Variants in AGBL1 observed in about 807,000 individuals in gnomAD.
AGBL1 encodes the protein cytosolic carboxypeptidase 4.
AGBL1 carries 130 observed loss-of-function variants against 118.9 expected under a neutral mutation model. The observed-to-expected ratio is 1.09, with a 90% CI of 0.95 to 1.26. The LOEUF (loss-of-function observed/expected upper bound fraction) is 1.26. Among genes scored for constraint, AGBL1 ranks in the 50% most tolerant of loss-of-function variants. AGBL1 has a pLI of 0.00. For missense variants in AGBL1, 1,584 were observed against 1,298.1 expected (o/e 1.22, Z -3.38); for synonymous variants, 555 against 478.9 (o/e 1.16, Z -2.08).
At chr15:86,722,593 A>G (rs1182094414) in intron 22 of AGBL1, among the ~76,000 whole-genome samples, 1 of 152,240 alleles carries the variant, frequency 6.6e-6, no homozygotes, top group Admixed American at 6.5e-5. Flanking sequence ...GGACATAGGC[A>G]TGGGCAAGGA....
At chr15:86,238,177 T>C (rs1331227044) in intron 6 of AGBL1, among the ~76,000 whole-genome samples, 2 of 152,168 alleles carry the variant, frequency 1.3e-5, no homozygotes, top group Non-Finnish European at 2.9e-5. Context: ...GAAATTGCCT[T>C]GTTTAGTTTT....
At chr15:86,351,798 T>C (rs193255672) in intron 17 of AGBL1, among the ~76,000 whole-genome samples, 40 of 152,314 alleles carry the variant, frequency 2.6e-4, no homozygotes, top group Admixed American at 2.4e-3. Context: ...CCTTCTGCCT[T>C]CTCTACAAGC....
chr15:86,596,477 A>C (rs2084406260), intron 21 of AGBL1, among the ~76,000 whole-genome samples: 1 of 152,228 alleles, frequency 6.6e-6, no homozygotes, highest in Non-Finnish European at 1.5e-5. Context: ...GCAGTCCTTC[A>C]GAGGGCCCTT....
At chr15:86,870,959 A>T (rs1171813928) in intron 22 of AGBL1, among the ~76,000 whole-genome samples, 3 of 152,156 alleles carry the variant, frequency 2.0e-5, no homozygotes, top group African/African-American at 7.2e-5. Flanking sequence ...TGACAGAGAG[A>T]TTGGGCTAGC....
intron 22 of AGBL1, among the ~76,000 whole-genome samples, chr15:86,850,924 TATTA>T (rs749211430): frequency 2.6e-5 from 4 of 152,222 alleles, no homozygotes; most frequent in Admixed American, 6.5e-5. Flanking sequence ...CATAATATTT[TATTA>T]ATTATTGCCA....
intron 23 of AGBL1, among the ~76,000 whole-genome samples, chr15:86,972,370 A>C (rs1435878121): frequency 6.6e-6 from 1 of 152,100 alleles, no homozygotes; most frequent in Non-Finnish European, 1.5e-5. Context: ...GTCTGAGGAA[A>C]TAGTGGCACC....
chr15:86,538,211 G>A (rs962553379), intron 19 of AGBL1, among the ~76,000 whole-genome samples: 2 of 152,170 alleles, frequency 1.3e-5, no homozygotes, highest in Non-Finnish European at 2.9e-5. Flanking sequence ...CTTTTCTAAG[G>A]CCATGTTGAA....
intron 6 of AGBL1, among the ~76,000 whole-genome samples, chr15:86,232,825 G>A (rs748941231): frequency 2.0e-5 from 3 of 152,180 alleles, no homozygotes; most frequent in Non-Finnish European, 4.4e-5. Flanking sequence ...CGCCCTGCAT[G>A]TAGCCCTCAT....
intron 23 of AGBL1, among the ~76,000 whole-genome samples, chr15:86,936,283 A>T (rs2080674360): frequency 1.3e-5 from 2 of 151,844 alleles, no homozygotes; most frequent in African/African-American, 4.8e-5. Context: ...AGAGAGAAAG[A>T]GAGAGAGAAC....
rs146621270 is a variant in AGBL1, at chr15:86,348,679, G to A, written c.2375-48687G>A. 2.2e-3 allele frequency among the ~76,000 whole-genome samples: 342 copies of A among 152,002 alleles called. 2 individuals are homozygous for A. Among genetic ancestry groups the A allele is most frequent in the African/African-American group, 8.1e-3 (334 of 41,460 alleles). ...AGTAATCCCAGCTACTCAGGAGGCTGAGGCAGGAGACTCACTTGAACCTGG... is the reference window on the plus strand; with the variant it reads ...AGTAATCCCAGCTACTCAGGAGGCTAAGGCAGGAGACTCACTTGAACCTGG... On this transcript the variant is annotated intron_variant, in intron 17 of 22. Transcript: ENST00000614907.
chr15:86,433,464 A>G (rs1032243601), intron 18 of AGBL1, among the ~76,000 whole-genome samples: 2 of 151,926 alleles, frequency 1.3e-5, no homozygotes, highest in African/African-American at 2.4e-5. Flanking sequence ...AGGAAGACTG[A>G]ATGAAACATT....
intron 5 of AGBL1, among the ~76,000 whole-genome samples, chr15:86,216,516 T>G (rs2078191444): frequency 6.6e-6 from 1 of 152,208 alleles, no homozygotes; most frequent in Non-Finnish European, 1.5e-5. Flanking sequence ...TTTGAGATGA[T>G]CAGGTATTTT....
chr15:86,454,529 T>C (rs1052089657), intron 18 of AGBL1, among the ~76,000 whole-genome samples: 3 of 152,054 alleles, frequency 2.0e-5, no homozygotes, highest in East Asian at 1.9e-4. Context: ...AATAAGCAAA[T>C]TGTGGCAAAT....
In AGBL1 at chr15:86,909,606, GACT is replaced by G. The variant is rs2080323558; in HGVS notation, c.*2314_*2316del. On this transcript the variant is annotated 3_prime_UTR_variant, in exon 23 of 23. Transcript: ENST00000614907. Reference sequence around the variant, plus strand: ...ATGTAACATATGCAAGAAATTTGAAGACTATTAGCAAAGATAATGAAAGTGAAA... The same window carrying G: ...ATGTAACATATGCAAGAAATTTGAAGATTAGCAAAGATAATGAAAGTGAAA... 6.6e-6 allele frequency: 1 copy of G among 152,256 alleles called. No homozygotes were observed. The highest frequency in any genetic ancestry group is 6.5e-5 in the Admixed American group (1 of 15,294). The allele number at this position is 152,256 out of a possible 1,614,324, so 9.4% of individuals were successfully genotyped here. A position where few individuals can be genotyped will look rare whatever the true frequency, so the allele number is the denominator to read the frequency against.
At chr15:86,526,544 G>GTGTGTATATATATATATA (rs754816154) in intron 19 of AGBL1, among the ~76,000 whole-genome samples, 142 of 119,414 alleles carry the variant, frequency 1.2e-3, no homozygotes, top group East Asian at 4.3e-3. Context: ...TTGTGTCTGT[G>GTGTGTATATATATATATA]TATATATATA....
chr15:86,542,433 C>A (rs532765969), intron 19 of AGBL1, among the ~76,000 whole-genome samples: 9 of 144,158 alleles, frequency 6.2e-5, no homozygotes, highest in African/African-American at 2.1e-4. Context: ...ATGGCACGAT[C>A]TCGGCTCACT....
chr15:86,847,785 ATTATC>A, intron 22 of AGBL1, among the ~76,000 whole-genome samples: 1 of 152,118 alleles, frequency 6.6e-6, no homozygotes, highest in South Asian at 2.1e-4. Flanking sequence ...GATAACTTAG[ATTATC>A]TTAAGTCTAC....
intron 24 of AGBL1, among the ~76,000 whole-genome samples, chr15:87,000,907 G>A (rs369030079): frequency 2.2e-5 from 3 of 138,590 alleles, no homozygotes; most frequent in Non-Finnish European, 4.6e-5. Context: ...ATTTCCTTGA[G>A]CAGTGGTTTG....
chr15:86,663,081 G>A (rs2085574812), intron 21 of AGBL1, among the ~76,000 whole-genome samples: 1 of 152,098 alleles, frequency 6.6e-6, no homozygotes, highest in African/African-American at 2.4e-5. Context: ...TATACCAATT[G>A]CTAGTGCATT....
Sources: gnomAD v4.1 joint callset for allele counts (sites outside exome capture counted in the v4.1 genomes callset) on GRCh38, gnomAD v4.1.1 for gene constraint, MANE v1.5 for transcripts, NCBI Gene and HGNC (gene_info 2026-07-23, HGNC 2026-07-21) for gene names.